EPM2A: variants seen among roughly 807,000 people sequenced by gnomAD.
EPM2A encodes the protein laforin.
EPM2A carries 21 observed loss-of-function variants against 26.5 expected under a neutral mutation model. That is an observed-to-expected ratio of 0.79 (90% confidence interval 0.56 to 1.14). EPM2A has a LOEUF of 1.14. EPM2A is among the 50% of genes most tolerant of loss of function. The pLI, the probability that EPM2A is intolerant of heterozygous loss-of-function variation, is 0.00. For missense variants in EPM2A, 458 were observed against 440.8 expected, an observed-to-expected ratio of 1.04 and a Z score of -0.35; for synonymous variants, 217 against 177.6, an observed-to-expected ratio of 1.22 and a Z score of -1.76.
chr6:145,466,268 T>C (rs979159405), intron 4 of EPM2A, among the ~76,000 whole-genome samples: 8 of 149,124 alleles, frequency 5.4e-5, no homozygotes, highest in African/African-American at 2.0e-4. Context: ...ATATCCAGAA[T>C]CTACAATGAA....
chr6:145,504,296 A>T (rs1779938243), intron 2 of EPM2A, among the ~76,000 whole-genome samples: 2 of 109,090 alleles, frequency 1.8e-5, no homozygotes, highest in Admixed American at 1.8e-4. Context: ...CTACCATCAG[A>T]GTGAACAGGC....
At chr6:145,731,090 A>C (rs1776461834) in intron 1 of EPM2A, among the ~76,000 whole-genome samples, 2 of 152,064 alleles carry the variant, frequency 1.3e-5, no homozygotes, top group African/African-American at 2.4e-5. Flanking sequence ...AAAAAAAGGA[A>C]ACTCCATTCA....
Position 145,626,964 on chromosome 6 carries a change from T to C in EPM2A, c.*452A>G. 1 of 1,044,068 alleles carries C rather than the reference T, an allele frequency of 9.6e-7. No homozygotes were observed. Among genetic ancestry groups the C allele is most frequent in the Non-Finnish European group, 1.2e-6 (1 of 864,838 alleles). 64.7% of individuals were successfully genotyped at this position (1,044,068 alleles called of 1,614,324 possible). ...GTAACGGTTCAGGCTTCTAACCTTA[T>C]TTCCTCCTTTGGCAACTGACCAGCT... On this transcript the variant is annotated 3_prime_UTR_variant, in exon 4 of 4. Transcript: ENST00000367519.
chr6:145,595,245 C>T (rs1204017484), intron 2 of EPM2A, among the ~76,000 whole-genome samples: 1 of 151,770 alleles, frequency 6.6e-6, no homozygotes, highest in Non-Finnish European at 1.5e-5. Context: ...ATATGACCTT[C>T]TGCTCTGAAA....
At chr6:145,611,340 C>A (rs938983833) in intron 2 of EPM2A, among the ~76,000 whole-genome samples, 3 of 151,924 alleles carry the variant, frequency 2.0e-5, no homozygotes, top group Admixed American at 1.3e-4. Flanking sequence ...TTTATTTAGA[C>A]AACTTCGACT....
intron 2 of EPM2A, among the ~76,000 whole-genome samples, chr6:145,588,284 G>A (rs933849091): frequency 1.3e-5 from 2 of 152,238 alleles, no homozygotes; most frequent in South Asian, 2.1e-4. Context: ...ATACTGTAGG[G>A]AAATAAGTTA....
intron 2 of EPM2A, among the ~76,000 whole-genome samples, chr6:145,657,862 C>T (rs1778408642): frequency 6.6e-6 from 1 of 152,204 alleles, no homozygotes; most frequent in African/African-American, 2.4e-5. Context: ...GTCTGCTGAA[C>T]TCAGACTTAT....
At chr6:145,535,294 A>C (rs1780416078) in intron 2 of EPM2A, among the ~76,000 whole-genome samples, 1 of 152,236 alleles carries the variant, frequency 6.6e-6, no homozygotes, top group South Asian at 2.1e-4. Context: ...CCTCAAACAA[A>C]GTGAATACAA....
At chr6:145,671,468 T>C in intron 2 of EPM2A, 2 of 766,488 alleles carry the variant, frequency 2.6e-6, no homozygotes, top group Non-Finnish European at 3.2e-6. Context: ...CAAAATGTGA[T>C]ATAAGCCTTA....
intron 2 of EPM2A, among the ~76,000 whole-genome samples, chr6:145,518,169 A>G (rs948302440): frequency 6.6e-6 from 1 of 152,230 alleles, no homozygotes; most frequent in Non-Finnish European, 1.5e-5. Context: ...ACTTGCCTAC[A>G]TATAATGAAC....
intron 4 of EPM2A, among the ~76,000 whole-genome samples, chr6:145,410,742 T>C (rs577120664): frequency 1.3e-5 from 2 of 152,280 alleles, no homozygotes; most frequent in African/African-American, 4.8e-5. Context: ...AAGCAGGTGG[T>C]AAGACAATAT....
chr6:145,593,496 A>C (rs1781301870), intron 2 of EPM2A, among the ~76,000 whole-genome samples: 1 of 152,102 alleles, frequency 6.6e-6, no homozygotes, highest in Non-Finnish European at 1.5e-5. Context: ...CTCATATTAC[A>C]TAAAACATTC....
chr6:145,635,419 G>A lies in EPM2A; in HGVS notation c.544C>T (p.His182Tyr). Reference protein sequence around the residue: ...QVEHVTIKLKHELGITAVMNF... With the variant: ...QVEHVTIKLKYELGITAVMNF... The stretch of plus-strand genomic sequence containing the variant: ...ATTACAGCTGTAATCCCCAATTCAT[G>A]CTTCAGTTTGATGGTTACATGTTCC... The change falls in exon 3 of 4, where the codon CAT becomes TAT. Residue 182 changes from histidine (H) to tyrosine (Y), a missense_variant. Physicochemically the swap from His to Tyr is moderately conservative, Grantham distance 83. Coordinates refer to ENST00000367519, the MANE Select transcript of EPM2A (RefSeq NM_005670.4). 6.2e-7 allele frequency: 1 copy of A among 1,613,934 alleles called. No homozygotes were observed. The highest frequency in any genetic ancestry group is 8.5e-7 in the Non-Finnish European group (1 of 1,179,808).
intron 2 of EPM2A, among the ~76,000 whole-genome samples, chr6:145,551,861 CT>C (rs11322536): frequency 0.11 from 16,693 of 145,440 alleles, 1,049 homozygotes; most frequent in East Asian, 0.27. Flanking sequence ...TGTACTTAAA[CT>C]TTTTTTTTTT....
At chr6:145,525,153 G>A (rs2114777682) in intron 2 of EPM2A, among the ~76,000 whole-genome samples, 1 of 152,132 alleles carries the variant, frequency 6.6e-6, no homozygotes, top group Non-Finnish European at 1.5e-5. Context: ...CCAATACCAT[G>A]CTGTATTGTT....
chr6:145,450,772 C>G (rs982781477), intron 4 of EPM2A, among the ~76,000 whole-genome samples: 1 of 152,170 alleles, frequency 6.6e-6, no homozygotes, highest in African/African-American at 2.4e-5. Context: ...CTCTCTATAC[C>G]ATGACTCAGA....
chr6:145,582,380 G>A (rs73566747), intron 2 of EPM2A, among the ~76,000 whole-genome samples: 10,178 of 152,166 alleles, frequency 0.067, 1,140 homozygotes, highest in African/African-American at 0.23. Context: ...TTTAGAGTAT[G>A]TGCCATGCAC....
chr6:145,544,824 CT>C (rs1288280545), intron 2 of EPM2A, among the ~76,000 whole-genome samples: 9 of 152,144 alleles, frequency 5.9e-5, no homozygotes, highest in Admixed American at 4.6e-4. Flanking sequence ...CAGCTTGGCT[CT>C]TTTCCTGTGT....
At chr6:145,512,239 GA>G (rs939390032) in intron 2 of EPM2A, among the ~76,000 whole-genome samples, 6 of 151,684 alleles carry the variant, frequency 4.0e-5, no homozygotes, top group Admixed American at 2.0e-4. Context: ...CACAGAATTA[GA>G]AAAAAAATCC....
Sources: allele counts gnomAD v4.1 joint callset (sites outside exome capture counted in the v4.1 genomes callset), GRCh38; gene constraint gnomAD v4.1.1; transcripts MANE v1.5; gene names NCBI Gene and HGNC (gene_info 2026-07-23, HGNC 2026-07-21).